The following DLC1 variants were observed in gnomAD, a reference collection of about 807,000 sequenced individuals.
DLC1 encodes rho GTPase-activating protein 7.
Under a neutral mutation model 140.3 loss-of-function variants are expected in DLC1, and 54 were observed. The observed-to-expected ratio is 0.38, with a 90% CI of 0.31 to 0.48. DLC1 has a LOEUF of 0.48. Ranked by LOEUF, DLC1 falls within the 20% of genes least tolerant of loss-of-function variation. DLC1 has a pLI of 0.96. For synonymous variants in DLC1, 986 were observed against 728.1 expected, an observed-to-expected ratio of 1.35 and a Z score of -5.70; for missense variants, 2,536 against 1,907.0, an observed-to-expected ratio of 1.33 and a Z score of -6.14.
intron 2 of DLC1, among the ~76,000 whole-genome samples, chr8:13,415,514 C>G (rs1011065872): frequency 1.3e-5 from 2 of 151,700 alleles, no homozygotes; most frequent in Non-Finnish European, 2.9e-5. Context: ...ATTCTCCTAC[C>G]TCAGCCTACC....
intron 5 of DLC1, among the ~76,000 whole-genome samples, chr8:13,291,137 G>A (rs1211902163): frequency 6.6e-6 from 1 of 152,154 alleles, no homozygotes; most frequent in Non-Finnish European, 1.5e-5. Flanking sequence ...TTGAACTCCT[G>A]GCCTCAAGTG....
intron 4 of DLC1, among the ~76,000 whole-genome samples, chr8:13,316,740 T>TGGG (rs1832875306): frequency 6.6e-6 from 1 of 152,168 alleles, no homozygotes; most frequent in Non-Finnish European, 1.5e-5. Flanking sequence ...CTGGGTTCTT[T>TGGG]ACTTGCTTCC....
At chr8:13,573,188 C>G (rs1804724294) in intron 1 of DLC1, among the ~76,000 whole-genome samples, 1 of 152,048 alleles carries the variant, frequency 6.6e-6, no homozygotes, top group Non-Finnish European at 1.5e-5. Flanking sequence ...CTCCTTTGTT[C>G]AATGTATTCG....
At chr8:13,207,684 T>A (rs1827738666) in intron 5 of DLC1, among the ~76,000 whole-genome samples, 1 of 152,166 alleles carries the variant, frequency 6.6e-6, no homozygotes, top group South Asian at 2.1e-4. Context: ...GTTGGAGTGA[T>A]CTTTCTCCCT....
rs544878244 is a variant in DLC1 at position 13,332,515 on chromosome 8, C to T, written c.1315-27213G>A. 3.2e-4 allele frequency among the ~76,000 whole-genome samples: 48 copies of T among 151,906 alleles called. 1 individual carries two copies. Among genetic ancestry groups the T allele is most frequent in the African/African-American group, 1.1e-3 (47 of 41,420 alleles). On this transcript the variant is annotated intron_variant, in intron 4 of 17. Transcript: ENST00000276297. ...GCACGATCTCGGCTCATTGCAACCT[C>T]CACCTCTGGGGTTCAAGCGATTCTC... is the stretch of plus-strand genomic sequence containing the variant.
At chr8:13,409,307 A>T (rs1837689622) in intron 2 of DLC1, among the ~76,000 whole-genome samples, 1 of 152,146 alleles carries the variant, frequency 6.6e-6, no homozygotes, top group South Asian at 2.1e-4. Flanking sequence ...ATGCTATCTG[A>T]TATACTCTCA....
At chr8:13,459,383 T>C (rs1165845480) in intron 2 of DLC1, among the ~76,000 whole-genome samples, 3 of 152,210 alleles carry the variant, frequency 2.0e-5, no homozygotes, top group African/African-American at 7.2e-5. Flanking sequence ...ATGGCTTTCT[T>C]CCTGATTTTA....
chr8:13,305,931 T>C (rs902460750), intron 4 of DLC1, among the ~76,000 whole-genome samples: 8 of 152,246 alleles, frequency 5.3e-5, no homozygotes, highest in Admixed American at 3.3e-4. Context: ...GGTCCTATTT[T>C]TGGGAGAGAG....
chr8:13,308,898 G>T (rs1262448734), intron 4 of DLC1, among the ~76,000 whole-genome samples: 1 of 152,184 alleles, frequency 6.6e-6, no homozygotes, highest in Non-Finnish European at 1.5e-5. Context: ...TTGGGTCCAT[G>T]TCCTGAGGTC....
At chr8:13,409,935 C>A (rs1474319182) in intron 2 of DLC1, among the ~76,000 whole-genome samples, 1 of 151,982 alleles carries the variant, frequency 6.6e-6, no homozygotes, top group African/African-American at 2.4e-5. Flanking sequence ...TGGATGTATT[C>A]ATAGCACAGC....
At chr8:13,361,365 C>G (rs1192584191) in intron 4 of DLC1, among the ~76,000 whole-genome samples, 3 of 151,940 alleles carry the variant, frequency 2.0e-5, no homozygotes, top group African/African-American at 4.8e-5. Flanking sequence ...AGCAATCCTC[C>G]TGACTCAACC....
At chr8:13,421,350 GCA>G (rs1222024622) in intron 2 of DLC1, among the ~76,000 whole-genome samples, 3 of 152,084 alleles carry the variant, frequency 2.0e-5, no homozygotes, top group African/African-American at 7.2e-5. Context: ...TAGCGTCTAT[GCA>G]CAGAGTAGGA....
chr8:13,501,034 C>T (rs1801787790), intron 1 of DLC1, among the ~76,000 whole-genome samples: 2 of 152,166 alleles, frequency 1.3e-5, no homozygotes, highest in African/African-American at 2.4e-5. Context: ...TGAGATTCTA[C>T]CTTCATCCCT....
chr8:13,094,681 G>A (rs960837728), intron 12 of DLC1, 78 bp downstream of exon 12: 3 of 1,539,102 alleles, frequency 1.9e-6, no homozygotes, highest in Admixed American at 3.5e-5. Flanking sequence ...AAAAAAGAAT[G>A]CTATCAAGGA....
intron 1 of DLC1, among the ~76,000 whole-genome samples, chr8:13,560,490 C>T (rs1009787643): frequency 3.9e-5 from 6 of 152,040 alleles, no homozygotes; most frequent in African/African-American, 1.2e-4. Flanking sequence ...CTCTATTTAA[C>T]GATTTTATTT....
intron 5 of DLC1, among the ~76,000 whole-genome samples, chr8:13,132,668 G>GCGACC (rs1822209754): frequency 6.6e-6 from 1 of 152,160 alleles, no homozygotes; most frequent in Admixed American, 6.5e-5. Context: ...TTCACGGGTT[G>GCGACC]CGACCGATCC....
chr8:13,497,538 A>G (rs1028916957), intron 2 of DLC1, among the ~76,000 whole-genome samples: 2 of 152,224 alleles, frequency 1.3e-5, no homozygotes, highest in African/African-American at 2.4e-5. Flanking sequence ...CAACCATGCT[A>G]TAGTGACATG....
At chr8:13,204,944 T>C (rs1336146062) in intron 5 of DLC1, among the ~76,000 whole-genome samples, 2 of 152,230 alleles carry the variant, frequency 1.3e-5, no homozygotes, top group Admixed American at 6.5e-5. Context: ...TTTTGCATCA[T>C]AACTGTAACT....
chr8:13,577,404 A>T (rs911202312), intron 1 of DLC1, among the ~76,000 whole-genome samples: 2 of 152,036 alleles, frequency 1.3e-5, no homozygotes, highest in African/African-American at 4.8e-5. Context: ...GATTATGAAG[A>T]ATTTAGGTAA....
Sources: allele counts gnomAD v4.1 joint callset (sites outside exome capture counted in the v4.1 genomes callset), GRCh38; gene constraint gnomAD v4.1.1; transcripts MANE v1.5; gene names NCBI Gene and HGNC (gene_info 2026-07-23, HGNC 2026-07-21).